The following PACRG variants were observed in gnomAD, a reference collection of about 807,000 sequenced individuals.
PACRG encodes the protein parkin coregulated gene protein.
Under a neutral mutation model 29.7 loss-of-function variants are expected in PACRG, and 29 were observed. That is an observed-to-expected ratio of 0.98 (90% CI 0.73 to 1.33). PACRG has a LOEUF of 1.33. PACRG is among the 40% of genes most tolerant of loss of function. The pLI, the probability that PACRG is intolerant of heterozygous loss-of-function variation, is 0.00. For synonymous variants in PACRG, 116 were observed against 118.7 expected (o/e 0.98, Z 0.15); for missense variants, 279 against 316.2 (o/e 0.88, Z 0.89).
chr6:163,204,128 A>G (rs536212419), intron 4 of PACRG, among the ~76,000 whole-genome samples: 2 of 152,358 alleles, frequency 1.3e-5, no homozygotes, highest in Admixed American at 6.5e-5. Context: ...TTTCTTACCT[A>G]AAGGGCTAAA....
intron 1 of PACRG, among the ~76,000 whole-genome samples, chr6:162,738,459 A>C (rs559811904): frequency 1.2e-4 from 18 of 152,326 alleles, no homozygotes; most frequent in African/African-American, 4.3e-4. Context: ...AAATTATACT[A>C]ACACAGCTAA....
At chr6:163,301,543 C>T (rs1201969513) in intron 4 of PACRG, among the ~76,000 whole-genome samples, 3 of 152,196 alleles carry the variant, frequency 2.0e-5, no homozygotes, top group African/African-American at 7.2e-5. Context: ...GTCCAGATAA[C>T]AATGTCCTGC....
upstream of PACRG, chr6:162,727,398 G>A: frequency 4.3e-6 from 2 of 464,574 alleles, no homozygotes; most frequent in Non-Finnish European, 7.6e-6. Flanking sequence ...GTGCGGGGCC[G>A]CCTGGCGTCC....
chr6:162,762,333 T>G (rs754122165), intron 1 of PACRG, among the ~76,000 whole-genome samples: 1 of 152,168 alleles, frequency 6.6e-6, no homozygotes, highest in Non-Finnish European at 1.5e-5. Context: ...CAAAGAGTTA[T>G]GTAAGGCATG....
At chr6:162,947,349 A>ATTAT (rs1491156729) in intron 2 of PACRG, among the ~76,000 whole-genome samples, 1 of 41,776 alleles carries the variant, frequency 2.4e-5, no homozygotes, top group Non-Finnish European at 4.3e-5. Flanking sequence ...TATAATGATT[A>ATTAT]CATATATATA....
At chr6:162,896,783 G>T (rs1274342342) in intron 2 of PACRG, among the ~76,000 whole-genome samples, 2 of 152,190 alleles carry the variant, frequency 1.3e-5, no homozygotes, top group African/African-American at 4.8e-5. Context: ...ATTGGAACAG[G>T]TCTTAGTATA....
At chr6:162,888,194 GGCTGCGGGGTGTCATCC>G (rs1794499320) in intron 2 of PACRG, among the ~76,000 whole-genome samples, 1 of 151,966 alleles carries the variant, frequency 6.6e-6, no homozygotes, top group South Asian at 2.1e-4. Context: ...AGTGAGGGTG[GGCTGCGGGGTGTCATCC>G]TCATCTGTGG....
chr6:162,924,300 G>A (rs1175812844), intron 2 of PACRG, among the ~76,000 whole-genome samples: 1 of 151,894 alleles, frequency 6.6e-6, no homozygotes, highest in Non-Finnish European at 1.5e-5. Context: ...GAGTTTTAAT[G>A]TTTTTCTATA....
chr6:162,757,314 G>A lies in PACRG; in HGVS notation c.156+28923G>A, dbSNP rs1471755848. On this transcript the variant is annotated intron_variant, in intron 1 of 4. Transcript: ENST00000366888. ...CTTTTTGAATATCACTGTCTACTGT[G>A]AAAATAAAACTGGCATTAGAAGATT... Among the ~76,000 whole-genome samples, 3 of 152,042 alleles carry A rather than the reference G, an allele frequency of 2.0e-5. No homozygotes were observed. The East Asian group carries it at 5.8e-4, about 29-fold the overall frequency.
chr6:163,305,972 T>C (rs889477143), intron 4 of PACRG, among the ~76,000 whole-genome samples: 42 of 152,292 alleles, frequency 2.8e-4, no homozygotes, highest in African/African-American at 1.0e-3. Flanking sequence ...GACCTCTCTT[T>C]CTGAACCTTC....
intron 4 of PACRG, among the ~76,000 whole-genome samples, chr6:163,209,148 T>A (rs908708047): frequency 3.3e-5 from 5 of 152,210 alleles, no homozygotes; most frequent in Non-Finnish European, 5.9e-5. Context: ...GTGCATTTAG[T>A]AAAGGAAGTA....
At chr6:163,282,140 C>A (rs1023331782) in intron 4 of PACRG, among the ~76,000 whole-genome samples, 8 of 152,002 alleles carry the variant, frequency 5.3e-5, no homozygotes, top group African/African-American at 1.9e-4. Flanking sequence ...AAGTAAGCCA[C>A]CAGAGAAGAA....
intron 4 of PACRG, among the ~76,000 whole-genome samples, chr6:163,195,416 C>T (rs921975990): frequency 2.0e-5 from 3 of 152,180 alleles, no homozygotes. Context: ...GTTCTCCTTA[C>T]ATCATACATT....
At chr6:163,019,099 AT>A (rs1436564367) in intron 2 of PACRG, among the ~76,000 whole-genome samples, 1 of 152,138 alleles carries the variant, frequency 6.6e-6, no homozygotes, top group East Asian at 1.9e-4. Context: ...TTGAAGCAGT[AT>A]CTTGCAAGTT....
At chr6:163,094,769 A>G (rs1585200225) in intron 4 of PACRG, among the ~76,000 whole-genome samples, 1 of 152,284 alleles carries the variant, frequency 6.6e-6, no homozygotes, top group Non-Finnish European at 1.5e-5. Context: ...TAGCTGTTCT[A>G]CTTCCAAAGA....
chr6:162,815,281 A>G (rs1787237763), intron 2 of PACRG, among the ~76,000 whole-genome samples: 1 of 152,070 alleles, frequency 6.6e-6, no homozygotes, highest in Non-Finnish European at 1.5e-5. Flanking sequence ...ATTAGTAACA[A>G]ATAAATTTAT....
At chr6:162,757,035 C>A (rs1781982459) in intron 1 of PACRG, among the ~76,000 whole-genome samples, 1 of 151,950 alleles carries the variant, frequency 6.6e-6, no homozygotes, top group Non-Finnish European at 1.5e-5. Context: ...TGCAACAATA[C>A]TATTTTGCCT....
At chr6:163,133,800 CT>C (rs1284509151) in intron 4 of PACRG, among the ~76,000 whole-genome samples, 3 of 152,144 alleles carry the variant, frequency 2.0e-5, no homozygotes, top group African/African-American at 7.2e-5. Context: ...TTTTTACTTG[CT>C]ATTTAGCTGC....
chr6:163,215,781 A>G (rs1254574261), intron 4 of PACRG, among the ~76,000 whole-genome samples: 5 of 152,184 alleles, frequency 3.3e-5, no homozygotes, highest in African/African-American at 9.7e-5. Flanking sequence ...AAGGCTTGAG[A>G]ATGACAGGAG....
Sources: allele counts gnomAD v4.1 joint callset (sites outside exome capture counted in the v4.1 genomes callset), GRCh38; gene constraint gnomAD v4.1.1; transcripts MANE v1.5; gene names NCBI Gene and HGNC (gene_info 2026-07-23, HGNC 2026-07-21).